The following AZIN1 variants were observed in gnomAD, a reference collection of about 807,000 sequenced individuals.
AZIN1 encodes the protein ornithine decarboxylase antizyme inhibitor.
A neutral mutation model predicts 47.4 loss-of-function variants in AZIN1; 12 were observed. The ratio of observed to expected loss-of-function variants is 0.25; its 90% confidence interval spans 0.16 to 0.41. The LOEUF (loss-of-function observed/expected upper bound fraction) is 0.41. Ranked by LOEUF, AZIN1 falls within the 10% of genes least tolerant of loss-of-function variation. The probability of loss-of-function intolerance (pLI) is 1.00; values close to 1 mark genes in which losing one functional copy is unlikely to be tolerated. For missense variants in AZIN1, 410 were observed against 532.4 expected (o/e 0.77, Z 2.26); for synonymous variants, 155 against 176.3 (o/e 0.88, Z 0.96).
At chr8:102,861,702 T>C (rs142983941) in intron 1 of AZIN1, among the ~76,000 whole-genome samples, 89 of 151,838 alleles carry the variant, frequency 5.9e-4, no homozygotes, top group African/African-American at 2.1e-3. Flanking sequence ...ATTCCATTCA[T>C]GTGGAAAGTC....
intron 2 of AZIN1, chr8:102,855,828 C>A (rs998938699): frequency 1.3e-5 from 2 of 152,170 alleles, no homozygotes. Context: ...TTCTGGAATG[C>A]GGAATTTTCT....
intron 2 of AZIN1, among the ~76,000 whole-genome samples, chr8:102,847,076 A>C (rs552496184): frequency 8.5e-5 from 13 of 152,338 alleles, no homozygotes; most frequent in Middle Eastern, 6.8e-3. Flanking sequence ...CAGAAGTAAC[A>C]GCAGAGTTGT....
intron 2 of AZIN1, chr8:102,856,093 GTTTTTTTTT>G (rs76088631): frequency 7.5e-6 from 1 of 133,606 alleles, no homozygotes; most frequent in African/African-American, 2.7e-5. Flanking sequence ...AGTTTTTTTT[GTTTTTTTTT>G]TTTTTTCCCA....
chr8:102,849,729 C>G (rs747035428), intron 2 of AZIN1, among the ~76,000 whole-genome samples: 1 of 152,098 alleles, frequency 6.6e-6, no homozygotes, highest in Admixed American at 6.5e-5. Context: ...AATACAGTAG[C>G]GTATAACCAC....
At chr8:102,855,010 A>G (rs898159582) in intron 2 of AZIN1, among the ~76,000 whole-genome samples, 3 of 152,206 alleles carry the variant, frequency 2.0e-5, no homozygotes, top group African/African-American at 7.2e-5. Context: ...AAATAAATAG[A>G]AAACTAGCCC....
At chr8:102,836,453 CTGAAGATTGTA>C in intron 5 of AZIN1, 63 bp from the exon 6 acceptor site, 1 of 1,539,408 alleles carries the variant, frequency 6.5e-7, no homozygotes, top group Non-Finnish European at 8.9e-7. Context: ...CATGTGAAGC[CTGAAGATTGTA>C]GGAAGTGTGT....
At chr8:102,844,403 G>A (rs1011550166) in intron 2 of AZIN1, among the ~76,000 whole-genome samples, 1 of 152,094 alleles carries the variant, frequency 6.6e-6, no homozygotes, top group African/African-American at 2.4e-5. Context: ...GAGAGTGGAG[G>A]GTGGCTTGAG....
Position 102,828,385 on chromosome 8 carries a change from A to G in AZIN1, c.*182T>C. 1 of 466,234 alleles carries G rather than the reference A, an allele frequency of 2.1e-6. No homozygotes were observed. Among genetic ancestry groups the G allele is most frequent in the East Asian group, 3.2e-5 (1 of 30,884 alleles). 28.9% of individuals were successfully genotyped at this position (466,234 alleles called of 1,614,324 possible). A position where few individuals can be genotyped will look rare whatever the true frequency, so the allele number is the denominator to read the frequency against. Reference sequence around the variant, plus strand: ...TCTGGATACATTATCTAAATCTCCCATTATCCCCAATGAATTATAGATGAA... The same window carrying G: ...TCTGGATACATTATCTAAATCTCCCGTTATCCCCAATGAATTATAGATGAA... On this transcript the variant is annotated 3_prime_UTR_variant, in exon 12 of 12. Transcript: ENST00000337198.
At position 102,828,580 on chromosome 8, in the gene AZIN1, G is replaced by A. The variant is rs1215699920; in HGVS notation, c.1334C>T (p.Ser445Phe). 1 of 1,607,040 alleles carries A rather than the reference G, an allele frequency of 6.2e-7. No homozygotes were observed. The highest frequency in any genetic ancestry group is 8.5e-7 in the Non-Finnish European group (1 of 1,174,674). The change falls in exon 12 of 12, where the codon TCC becomes TTC. Residue 445 changes from serine to phenylalanine, a missense_variant. Around this residue, in one of 3 missense-constraint regions of AZIN1, gnomAD observed 168 missense variants for 198.3 expected, o/e 0.85. Transcript: ENST00000337198. ...GTTAATGCCTGTTTAAGCTTCAGCG[G>A]AAAAGCTGTCTTCTTGGCTCAGCTG... is the stretch of plus-strand genomic sequence containing the variant. ...CIQLSQEDSF[S>F]AEA is the part of the protein sequence containing the mutation.
Position 102,843,730 on chromosome 8 carries a change from C to T in AZIN1, c.-78G>A, listed in dbSNP as rs1437175517. On this transcript the variant is annotated 5_prime_UTR_variant, in exon 3 of 12. Transcript: ENST00000337198. ...GGGCCACCAAGCCTATGTCTGGGTC[C>T]TTAGAATATGCAACAAACTGTCAAA... The T allele has an allele frequency of 6.3e-7, 1 of 1,575,724 alleles. No individual in the cohort carries two copies. The highest frequency in any genetic ancestry group is 8.6e-7 in the Non-Finnish European group (1 of 1,164,806).
chr8:102,833,905 A>AT (rs1275978188), intron 8 of AZIN1, among the ~76,000 whole-genome samples: 1 of 151,936 alleles, frequency 6.6e-6, no homozygotes, highest in Non-Finnish European at 1.5e-5. Context: ...AAAAAAAAAA[A>AT]AAAGGTAGTA....
At chr8:102,837,813 A>G (rs975263403) in intron 5 of AZIN1, among the ~76,000 whole-genome samples, 1 of 152,252 alleles carries the variant, frequency 6.6e-6, no homozygotes, top group Non-Finnish European at 1.5e-5. Flanking sequence ...GGAAACACAC[A>G]TAACTCATTA....
chr8:102,829,122 G>A, intron 11 of AZIN1, 150 bp downstream of exon 11: 1 of 690,368 alleles, frequency 1.4e-6, no homozygotes, highest in South Asian at 1.9e-5. Flanking sequence ...GTATTTGTCA[G>A]AACAAATTCC....
chr8:102,838,019 C>T (rs968135267), intron 5 of AZIN1, among the ~76,000 whole-genome samples: 9 of 152,226 alleles, frequency 5.9e-5, no homozygotes, highest in African/African-American at 1.4e-4. Flanking sequence ...CTGCAGCCTC[C>T]GGCTCCTGGG....
intron 2 of AZIN1, among the ~76,000 whole-genome samples, chr8:102,850,483 A>G (rs1341221497): frequency 1.3e-5 from 2 of 152,234 alleles, no homozygotes; most frequent in Non-Finnish European, 2.9e-5. Context: ...GAAGAGCACT[A>G]GAAGCTTCTA....
intron 4 of AZIN1, among the ~76,000 whole-genome samples, chr8:102,839,405 G>A (rs1812031572): frequency 6.6e-6 from 1 of 152,108 alleles, no homozygotes; most frequent in African/African-American, 2.4e-5. Context: ...TAAGAATGAG[G>A]AACAAATTAA....
chr8:102,863,592 C>T (rs1449070053), intron 1 of AZIN1, among the ~76,000 whole-genome samples: 1 of 149,880 alleles, frequency 6.7e-6, no homozygotes, highest in Non-Finnish European at 1.5e-5. Context: ...CCAGCAGCCG[C>T]CCGAAGGTCC....
chr8:102,828,504 C>A lies in AZIN1; in HGVS notation c.*63G>T. The A allele has an allele frequency of 9.2e-7, 1 of 1,087,918 alleles. No individual in the cohort carries two copies. Among genetic ancestry groups the A allele is most frequent in the Non-Finnish European group, 1.3e-6 (1 of 743,512 alleles). 67.4% of individuals were successfully genotyped at this position (1,087,918 alleles called of 1,614,324 possible). ...AGATTGTTTAAATTATTTTTCCACA[C>A]TGGAATGTTGACCAGACAAGCTTAA... is the stretch of plus-strand genomic sequence containing the variant. On this transcript the variant is annotated 3_prime_UTR_variant, in exon 12 of 12. Coordinates refer to ENST00000337198, the MANE Select transcript of AZIN1 (RefSeq NM_148174.4).
At chr8:102,848,518 G>C (rs559895529) in intron 2 of AZIN1, among the ~76,000 whole-genome samples, 2 of 152,232 alleles carry the variant, frequency 1.3e-5, no homozygotes, top group Non-Finnish European at 2.9e-5. Flanking sequence ...GATATTACCA[G>C]TGTGAGCCAC....
Sources: allele counts gnomAD v4.1 joint callset (sites outside exome capture counted in the v4.1 genomes callset), GRCh38; gene constraint gnomAD v4.1.1; regional missense constraint gnomAD v4.1.1; transcripts MANE v1.5; gene names NCBI Gene and HGNC (gene_info 2026-07-23, HGNC 2026-07-21).